SPRED1: variants seen among roughly 807,000 people sequenced by gnomAD.
The protein encoded by SPRED1 is sprouty-related, EVH1 domain-containing protein 1.
Under a neutral mutation model 52.3 loss-of-function variants are expected in SPRED1, and 18 were observed. That is an observed-to-expected ratio of 0.34 (90% confidence interval 0.24 to 0.51). SPRED1 has a LOEUF of 0.51. Ranked by LOEUF, SPRED1 falls within the 20% of genes least tolerant of loss-of-function variation. The probability of loss-of-function intolerance (pLI) is 0.97; values close to 1 mark genes in which losing one functional copy is unlikely to be tolerated. For synonymous variants in SPRED1, 155 were observed against 179.7 expected (o/e 0.86, Z 1.10); for missense variants, 485 against 551.0 (o/e 0.88, Z 1.20).
At chr15:38,267,355 C>CT (rs151023017) in intron 1 of SPRED1, among the ~76,000 whole-genome samples, 4,781 of 152,184 alleles carry the variant, frequency 0.031, 114 homozygotes, top group Middle Eastern at 0.051. Context: ...TAAGGAGCAT[C>CT]TTTTTGCATA....
intron 1 of SPRED1, among the ~76,000 whole-genome samples, chr15:38,270,938 A>G (rs1355706992): frequency 6.6e-6 from 1 of 152,206 alleles, no homozygotes; most frequent in East Asian, 1.9e-4. Flanking sequence ...AGTGCTTTGT[A>G]AAGCTAATCA....
chr15:38,346,711 A>G (rs775169962), intron 5 of SPRED1, among the ~76,000 whole-genome samples: 33 of 152,186 alleles, frequency 2.2e-4, no homozygotes, highest in Admixed American at 8.5e-4. Flanking sequence ...CTGCTAGTAC[A>G]AACTTTCTTG....
rs1478831338 is a variant in SPRED1, at chr15:38,352,618, A to G, written c.*954A>G. 1.3e-5 allele frequency: 2 copies of G among 152,452 alleles called. No individual in the cohort carries two copies. Among genetic ancestry groups the G allele is most frequent in the African/African-American group, 4.8e-5 (2 of 41,450 alleles). 9.4% of individuals were successfully genotyped at this position (152,452 alleles called of 1,614,324 possible). ...TTTCTTTCAGAGTTTCCTCCTTCAA[A>G]AAGTTATATTGCATTTACAAATGTT... On this transcript the variant is annotated 3_prime_UTR_variant, in exon 7 of 7. Coordinates refer to ENST00000299084, the MANE Select transcript of SPRED1 (RefSeq NM_152594.3).
At chr15:38,298,817 A>T (rs1476328131) in intron 1 of SPRED1, among the ~76,000 whole-genome samples, 2 of 152,224 alleles carry the variant, frequency 1.3e-5, no homozygotes, top group African/African-American at 2.4e-5. Flanking sequence ...TAAGCATAAC[A>T]CTTTTCTTTA....
chr15:38,310,649 C>CTTA (rs1028041599), intron 2 of SPRED1, among the ~76,000 whole-genome samples: 14 of 152,056 alleles, frequency 9.2e-5, no homozygotes, highest in Non-Finnish European at 1.6e-4. Context: ...ACACATAGAT[C>CTTA]TTATATGTTT....
intron 3 of SPRED1, among the ~76,000 whole-genome samples, chr15:38,323,754 A>C (rs1220135630): frequency 6.6e-6 from 1 of 152,198 alleles, no homozygotes; most frequent in Non-Finnish European, 1.5e-5. Context: ...ACCTTTAGCC[A>C]GGTTTGAAGA....
intron 1 of SPRED1, among the ~76,000 whole-genome samples, chr15:38,296,359 A>G (rs1041107305): frequency 4.6e-5 from 7 of 152,194 alleles, no homozygotes; most frequent in Non-Finnish European, 8.8e-5. Flanking sequence ...AATTTTGCCA[A>G]TATGTAAATT....
intron 1 of SPRED1, among the ~76,000 whole-genome samples, chr15:38,297,974 T>C (rs1415348003): frequency 6.6e-6 from 1 of 152,194 alleles, no homozygotes; most frequent in Non-Finnish European, 1.5e-5. Context: ...TTTAAAAGTA[T>C]ATTCTCTAAA....
chr15:38,269,829 T>C (rs1894392257), intron 1 of SPRED1, among the ~76,000 whole-genome samples: 1 of 152,172 alleles, frequency 6.6e-6, no homozygotes, highest in South Asian at 2.1e-4. Flanking sequence ...TTAAATTTTA[T>C]TTAATTTATA....
chr15:38,258,216 T>G (rs1336948947), intron 1 of SPRED1, among the ~76,000 whole-genome samples: 1 of 152,204 alleles, frequency 6.6e-6, no homozygotes, highest in Non-Finnish European at 1.5e-5. Context: ...TATTAGATTT[T>G]TACTGTATGC....
In SPRED1 at chr15:38,351,770, T is replaced by C; in HGVS notation, c.*106T>C. On this transcript the variant is annotated 3_prime_UTR_variant, in exon 7 of 7. Transcript: ENST00000299084. ...CAATATGGAATCTTGCCTGGTATCA[T>C]TGAGCCCACACATGGAGGAAGCAGA... 1 of 1,357,182 alleles carries C rather than the reference T, an allele frequency of 7.4e-7. No individual in the cohort carries two copies. The highest frequency in any genetic ancestry group is 1.2e-5 in the South Asian group (1 of 81,056). 84.1% of individuals were successfully genotyped at this position (1,357,182 alleles called of 1,614,324 possible).
At chr15:38,272,484 G>A (rs778284566) in intron 1 of SPRED1, among the ~76,000 whole-genome samples, 2 of 152,196 alleles carry the variant, frequency 1.3e-5, no homozygotes, top group South Asian at 2.1e-4. Flanking sequence ...TGGCTAGGCT[G>A]GTCTCGAACT....
At chr15:38,305,818 A>G (rs1895240955) in intron 2 of SPRED1, among the ~76,000 whole-genome samples, 1 of 152,212 alleles carries the variant, frequency 6.6e-6, no homozygotes, top group Non-Finnish European at 1.5e-5. Flanking sequence ...TAAGATCTTG[A>G]AATTGTTTGG....
rs886041428 is a variant in SPRED1, at chr15:38,351,136, T to G, written c.807T>G (p.Asn269Lys). ...ADYRHPDMWK[N>K]DLERDDADSS... Reference sequence around the variant, plus strand: ...ACAGACATCCTGACATGTGGAAAAATGACTTGGAAAGAGATGATGCTGATT... The same window carrying G: ...ACAGACATCCTGACATGTGGAAAAAGGACTTGGAAAGAGATGATGCTGATT... The change falls in exon 7 of 7, where the codon AAT (asparagine) becomes AAG (lysine). Residue 269 changes from asparagine (N) to lysine (K), a missense_variant. Asn to Lys is a moderately conservative substitution (Grantham distance 94, BLOSUM62 0). This residue lies in a region of SPRED1 where 205 missense variants were observed against 245.2 expected (regional missense o/e 0.84). Transcript: ENST00000299084. 33 of 1,613,844 alleles carry G rather than the reference T, an allele frequency of 2.0e-5. No individual in the cohort carries two copies. Among genetic ancestry groups the G allele is most frequent in the Non-Finnish European group, 2.4e-5 (28 of 1,179,980 alleles).
chr15:38,348,200 T>C (rs1289837490), intron 5 of SPRED1, among the ~76,000 whole-genome samples: 1 of 152,120 alleles, frequency 6.6e-6, no homozygotes, highest in Non-Finnish European at 1.5e-5. Flanking sequence ...TCTTCTGTTT[T>C]TCTTTTTTTC....
chr15:38,355,882 T>A lies in SPRED1; in HGVS notation c.*4218T>A, dbSNP rs1480080077. The A allele has an allele frequency of 6.6e-6, 1 of 152,152 alleles. No homozygotes were observed. The highest frequency in any genetic ancestry group is 1.5e-5 in the Non-Finnish European group (1 of 68,020). 9.4% of individuals were successfully genotyped at this position (152,152 alleles called of 1,614,324 possible). ...ATGAGACAAACATGAAGAATGAATT[T>A]CTTTAAGAGAGAAACACAACCGGAG... On this transcript the variant is annotated 3_prime_UTR_variant, in exon 7 of 7. Transcript: ENST00000299084.
At chr15:38,283,094 C>T (rs918046542) in intron 1 of SPRED1, among the ~76,000 whole-genome samples, 1 of 152,152 alleles carries the variant, frequency 6.6e-6, no homozygotes, top group African/African-American at 2.4e-5. Flanking sequence ...TAGTGACTCA[C>T]GGTTCCACAG....
intron 1 of SPRED1, among the ~76,000 whole-genome samples, chr15:38,275,406 A>G (rs1894528346): frequency 6.6e-6 from 1 of 152,130 alleles, no homozygotes; most frequent in Non-Finnish European, 1.5e-5. Context: ...TACTTAAAGA[A>G]GCTCTAGTTC....
At chr15:38,257,374 T>C (rs565943936) in intron 1 of SPRED1, among the ~76,000 whole-genome samples, 3 of 152,310 alleles carry the variant, frequency 2.0e-5, no homozygotes, top group Admixed American at 1.3e-4. Flanking sequence ...TCTCTGAATT[T>C]ATGCATTTGA....
Sources: allele counts gnomAD v4.1 joint callset (sites outside exome capture counted in the v4.1 genomes callset), GRCh38; gene constraint gnomAD v4.1.1; regional missense constraint gnomAD v4.1.1; transcripts MANE v1.5; gene names NCBI Gene and HGNC (gene_info 2026-07-23, HGNC 2026-07-21).